RB1CC1: variants seen among roughly 807,000 people sequenced by gnomAD.
RB1CC1 encodes RB1 inducible coiled-coil 1.
Under a neutral mutation model 177.5 loss-of-function variants are expected in RB1CC1, and 46 were observed. That is an observed-to-expected ratio of 0.26 (90% confidence interval 0.20 to 0.33). The LOEUF (loss-of-function observed/expected upper bound fraction) is 0.33. RB1CC1 is among the 10% of genes least tolerant of loss of function. The pLI is 1.00. For missense variants in RB1CC1, 1,703 were observed against 1,816.3 expected (o/e 0.94, Z 1.13); for synonymous variants, 666 against 613.6 (o/e 1.09, Z -1.26).
intron 21 of RB1CC1, 95 bp from the exon 22 acceptor site, chr8:52,628,263 T>A: frequency 8.4e-7 from 1 of 1,189,064 alleles, no homozygotes; most frequent in Non-Finnish European, 1.2e-6. Flanking sequence ...AACTACATAT[T>A]AAGATATTAA....
chr8:52,652,435 G>T (rs1440835459), intron 15 of RB1CC1, among the ~76,000 whole-genome samples: 1 of 143,970 alleles, frequency 6.9e-6, no homozygotes, highest in Non-Finnish European at 1.5e-5. Flanking sequence ...ACTCCAGCCT[G>T]GGCATCAGAG....
intron 2 of RB1CC1, among the ~76,000 whole-genome samples, chr8:52,685,723 A>G (rs745989103): frequency 6.6e-6 from 1 of 152,234 alleles, no homozygotes; most frequent in Non-Finnish European, 1.5e-5. Flanking sequence ...GTTTAGTGAA[A>G]AGAAAAGCAT....
chr8:52,655,975 ATT>A lies in RB1CC1; in HGVS notation c.3821+31_3821+32del. The stretch of plus-strand genomic sequence containing the variant: ...ACACAAACGAATCACTGATATTTTA[ATT>A]TTATAATTACAGACTAAACTTAATT... On this transcript the variant is annotated intron_variant, in intron 15 of 23. Coordinates refer to ENST00000025008, the MANE Select transcript of RB1CC1 (RefSeq NM_014781.5). 3 of 1,473,040 alleles carry A rather than the reference ATT, an allele frequency of 2.0e-6. No individual in the cohort carries two copies. In the South Asian group the frequency reaches 3.7e-5, roughly 18 times the overall value. The allele number at this position is 1,473,040 out of a possible 1,614,324, so 91.2% of individuals were successfully genotyped here. A position where few individuals can be genotyped will look rare whatever the true frequency, so the allele number is the denominator to read the frequency against.
At chr8:52,686,570 A>T (rs995456055) in intron 2 of RB1CC1, among the ~76,000 whole-genome samples, 4 of 152,162 alleles carry the variant, frequency 2.6e-5, no homozygotes, top group African/African-American at 9.7e-5. Flanking sequence ...AAGAAAAAAA[A>T]CTTAAAATAA....
chr8:52,675,622 G>A (rs546855795), intron 6 of RB1CC1, among the ~76,000 whole-genome samples: 2 of 150,892 alleles, frequency 1.3e-5, no homozygotes, highest in African/African-American at 4.9e-5. Context: ...TGTAATCCCG[G>A]CACTTTGGAA....
chr8:52,651,669 T>A (rs1177646179), intron 15 of RB1CC1, among the ~76,000 whole-genome samples: 1 of 152,164 alleles, frequency 6.6e-6, no homozygotes, highest in Non-Finnish European at 1.5e-5. Context: ...AGCACCAAAC[T>A]TTACTTGTAG....
intron 15 of RB1CC1, among the ~76,000 whole-genome samples, chr8:52,648,143 T>TATC (rs1356888207): frequency 1.7e-4 from 26 of 152,250 alleles, no homozygotes; most frequent in East Asian, 7.7e-4. Context: ...GTAAACACCA[T>TATC]ATCCCCAAAA....
chr8:52,673,716 A>G, intron 7 of RB1CC1, 129 bp downstream of exon 7: 1 of 838,858 alleles, frequency 1.2e-6, no homozygotes, highest in South Asian at 2.4e-5. Flanking sequence ...CCTATGTTAA[A>G]AGTTTCACTC....
chr8:52,697,665 T>C (rs1361091980), intron 1 of RB1CC1, among the ~76,000 whole-genome samples: 1 of 152,212 alleles, frequency 6.6e-6, no homozygotes, highest in Non-Finnish European at 1.5e-5. Context: ...TGGCAAAATG[T>C]TGGTACTTAT....
intron 15 of RB1CC1, among the ~76,000 whole-genome samples, chr8:52,651,658 T>C (rs1850595196): frequency 6.6e-6 from 1 of 152,218 alleles, no homozygotes; most frequent in Non-Finnish European, 1.5e-5. Flanking sequence ...TTAAAGCCAT[T>C]AGCACCAAAC....
chr8:52,657,951 A>T (rs1447438635), intron 14 of RB1CC1, 43 bp from the exon 15 acceptor site: 2 of 1,612,754 alleles, frequency 1.2e-6, no homozygotes, highest in Non-Finnish European at 1.7e-6. Flanking sequence ...CAGGAACACA[A>T]ACATTTTACA....
intron 8 of RB1CC1, among the ~76,000 whole-genome samples, chr8:52,663,052 T>G (rs1200820486): frequency 6.6e-6 from 1 of 152,126 alleles, no homozygotes; most frequent in Non-Finnish European, 1.5e-5. Flanking sequence ...AAATTGAATT[T>G]CATATTTGCT....
intron 22 of RB1CC1, among the ~76,000 whole-genome samples, chr8:52,626,922 T>A (rs1376303532): frequency 6.6e-6 from 1 of 151,974 alleles, no homozygotes; most frequent in Admixed American, 6.6e-5. Context: ...GTGGTGCAAA[T>A]CTATAGTACC....
At position 52,623,603 on chromosome 8, in the gene RB1CC1, G is replaced by T; in HGVS notation, c.*179C>A. ...CCATTTTAATTCAGCCAAGGATTCT[G>T]ATGAATTTATTATTCCTAAAATGAA... On this transcript the variant is annotated 3_prime_UTR_variant, in exon 24 of 24. Coordinates refer to ENST00000025008, the MANE Select transcript of RB1CC1 (RefSeq NM_014781.5). The T allele has an allele frequency of 1.6e-6, 1 of 638,408 alleles. No individual in the cohort carries two copies. 39.5% of individuals were successfully genotyped at this position (638,408 alleles called of 1,614,324 possible). A position where few individuals can be genotyped will look rare whatever the true frequency, so the allele number is the denominator to read the frequency against.
chr8:52,689,910 C>T (rs553078613), intron 1 of RB1CC1, among the ~76,000 whole-genome samples: 16 of 151,514 alleles, frequency 1.1e-4, no homozygotes, highest in African/African-American at 2.9e-4. Context: ...CCAGCCTAGG[C>T]GACAGAGCCA....
intron 12 of RB1CC1, 37 bp from the exon 13 acceptor site, chr8:52,659,013 T>C (rs1041006659): frequency 3.8e-5 from 48 of 1,269,782 alleles, no homozygotes; most frequent in Non-Finnish European, 5.0e-5. Flanking sequence ...AAAATTTTTT[T>C]TCAACCAAAA....
intron 7 of RB1CC1, among the ~76,000 whole-genome samples, chr8:52,672,639 G>A (rs554990817): frequency 5.2e-4 from 79 of 152,198 alleles, no homozygotes; most frequent in Admixed American, 3.0e-3. Context: ...CCAGCTACTC[G>A]GGAGGCTGAG....
Position 52,660,789 on chromosome 8 carries a change from T to C in RB1CC1, c.1628-132A>G, listed in dbSNP as rs570108538. On this transcript the variant is annotated intron_variant, in intron 11 of 23. Transcript: ENST00000025008. ...TAAAATTTAACAATGGATTCAATTC[T>C]ATACACTTTAAAAGGAATATTTCCT... The C allele has an allele frequency of 8.7e-5, 95 of 1,086,578 alleles. No homozygotes were observed. In the Middle Eastern group the frequency reaches 1.2e-3, roughly 14 times the overall value. The allele number at this position is 1,086,578 out of a possible 1,614,324, so 67.3% of individuals were successfully genotyped here.
intron 1 of RB1CC1, among the ~76,000 whole-genome samples, chr8:52,694,831 G>C (rs1445055924): frequency 2.0e-5 from 3 of 152,180 alleles, no homozygotes; most frequent in Non-Finnish European, 4.4e-5. Flanking sequence ...TTCTAGTTTA[G>C]TGGGAGAGGA....
Sources: gnomAD v4.1 joint callset for allele counts (sites outside exome capture counted in the v4.1 genomes callset) on GRCh38, gnomAD v4.1.1 for gene constraint, MANE v1.5 for transcripts, NCBI Gene and HGNC (gene_info 2026-07-23, HGNC 2026-07-21) for gene names.